Variants in KLHL29 observed in about 807,000 individuals in gnomAD.
KLHL29 encodes the protein kelch-like protein 29.
A neutral mutation model predicts 80.4 loss-of-function variants in KLHL29; 21 were observed. The ratio of observed to expected loss-of-function variants is 0.26; its 90% confidence interval spans 0.19 to 0.38. KLHL29 has a LOEUF of 0.38. Among genes scored for constraint, KLHL29 ranks in the 10% least tolerant of loss-of-function variants. KLHL29 has a pLI of 1.00. For synonymous variants in KLHL29, 511 were observed against 526.8 expected, an observed-to-expected ratio of 0.97 and a Z score of 0.41; for missense variants, 867 against 1,223.9, an observed-to-expected ratio of 0.71 and a Z score of 4.35.
intron 1 of KLHL29, among the ~76,000 whole-genome samples, chr2:23,460,878 G>A (rs1478930643): frequency 6.6e-6 from 1 of 151,720 alleles, no homozygotes; most frequent in African/African-American, 2.4e-5. Flanking sequence ...CATCGTGCAA[G>A]CTCAGGAGCT....
At chr2:23,546,412 T>G (rs1030310503) in intron 2 of KLHL29, among the ~76,000 whole-genome samples, 18 of 152,156 alleles carry the variant, frequency 1.2e-4, no homozygotes, top group African/African-American at 4.3e-4. Context: ...AGAGCTGAGC[T>G]GGAGGAGGAG....
intron 3 of KLHL29, among the ~76,000 whole-genome samples, chr2:23,590,729 T>C (rs1370158511): frequency 1.3e-5 from 2 of 151,904 alleles, no homozygotes; most frequent in Non-Finnish European, 2.9e-5. Flanking sequence ...TGGAACCCAA[T>C]CCCCTACATG....
At chr2:23,584,024 G>C (rs1019403100) in intron 3 of KLHL29, among the ~76,000 whole-genome samples, 6 of 152,194 alleles carry the variant, frequency 3.9e-5, no homozygotes, top group Admixed American at 6.5e-5. Flanking sequence ...GAAGGAACTG[G>C]TTCCAGTGAT....
chr2:23,416,439 A>G (rs913298752), intron 1 of KLHL29, among the ~76,000 whole-genome samples: 1 of 152,162 alleles, frequency 6.6e-6, no homozygotes, highest in Non-Finnish European at 1.5e-5. Flanking sequence ...GGCAAGTGAT[A>G]CACCAAGGTC....
intron 3 of KLHL29, among the ~76,000 whole-genome samples, chr2:23,622,985 C>T (rs1249902363): frequency 6.6e-6 from 1 of 152,182 alleles, no homozygotes; most frequent in Non-Finnish European, 1.5e-5. Flanking sequence ...TACTCCTACC[C>T]ACTCCCCTGA....
At chr2:23,572,940 G>A (rs184865154) in intron 3 of KLHL29, among the ~76,000 whole-genome samples, 62 of 152,230 alleles carry the variant, frequency 4.1e-4, no homozygotes, top group Admixed American at 1.9e-3. Flanking sequence ...CGCCCGCCTC[G>A]GCCTCCCAAA....
chr2:23,548,254 CACACACAGGCACCCAG>C (rs957690453), intron 2 of KLHL29, among the ~76,000 whole-genome samples: 1 of 152,044 alleles, frequency 6.6e-6, no homozygotes, highest in Non-Finnish European at 1.5e-5. Flanking sequence ...ACCCTGTGAA[CACACACAGGCACCCAG>C]ACACACAGGC....
intron 3 of KLHL29, among the ~76,000 whole-genome samples, chr2:23,607,425 G>T (rs1409447060): frequency 1.3e-5 from 2 of 152,238 alleles, no homozygotes; most frequent in African/African-American, 4.8e-5. Context: ...ATGCAGAAAA[G>T]GCTGCCCAGG....
chr2:23,545,404 C>G (rs1666956258), intron 2 of KLHL29, among the ~76,000 whole-genome samples: 2 of 152,206 alleles, frequency 1.3e-5, no homozygotes, highest in Admixed American at 6.5e-5. Flanking sequence ...AAGTGACTTG[C>G]AGAGTAGCAG....
intron 2 of KLHL29, among the ~76,000 whole-genome samples, chr2:23,476,010 C>T (rs1664631200): frequency 6.6e-6 from 1 of 152,224 alleles, no homozygotes; most frequent in African/African-American, 2.4e-5. Flanking sequence ...TCCCAAGTAG[C>T]TGGGACTACA....
intron 3 of KLHL29, among the ~76,000 whole-genome samples, chr2:23,605,588 G>GTA (rs1322620707): frequency 6.6e-6 from 1 of 152,052 alleles, no homozygotes. Flanking sequence ...AGTCGATTTG[G>GTA]TATATTTTCA....
chr2:23,608,230 C>G (rs6707311), intron 3 of KLHL29, among the ~76,000 whole-genome samples: 26,719 of 152,220 alleles, frequency 0.18, 3,055 homozygotes, highest in Admixed American at 0.3. Context: ...AAAACTTTGT[C>G]TGTAAACATG....
chr2:23,657,726 C>T (rs1400965893), intron 5 of KLHL29, among the ~76,000 whole-genome samples: 1 of 152,204 alleles, frequency 6.6e-6, no homozygotes, highest in Admixed American at 6.5e-5. Context: ...CATCTCCTCA[C>T]CCCCTGGGCC....
At chr2:23,639,591 C>T (rs1233887134) in intron 4 of KLHL29, among the ~76,000 whole-genome samples, 2 of 152,200 alleles carry the variant, frequency 1.3e-5, no homozygotes, top group Admixed American at 1.3e-4. Context: ...TGATTCATAA[C>T]AAATTTCTCG....
At chr2:23,608,301 C>G (rs1221059777) in intron 3 of KLHL29, among the ~76,000 whole-genome samples, 1 of 152,200 alleles carries the variant, frequency 6.6e-6, no homozygotes, top group South Asian at 2.1e-4. Context: ...CTAAACATAT[C>G]TATAGCTTAC....
intron 1 of KLHL29, among the ~76,000 whole-genome samples, chr2:23,418,417 C>A (rs113047563): frequency 6.6e-6 from 1 of 152,266 alleles, no homozygotes; most frequent in Non-Finnish European, 1.5e-5. Context: ...CAATTTGTGG[C>A]CTATGTAGGC....
intron 1 of KLHL29, among the ~76,000 whole-genome samples, chr2:23,395,606 G>A (rs918601079): frequency 1.8e-4 from 28 of 152,254 alleles, no homozygotes; most frequent in African/African-American, 5.1e-4. Context: ...TTAGCCAGGC[G>A]TGGTGGCATG....
Position 23,409,979 on chromosome 2 carries a change from T to G in KLHL29, c.-154+24199T>G, listed in dbSNP as rs956142120. On this transcript the variant is annotated intron_variant, in intron 1 of 13. Coordinates refer to ENST00000486442, the MANE Select transcript of KLHL29 (RefSeq NM_052920.2). ...GCATTCCAGGCAGAGGAGATACATG[T>G]GCAGGAGAGAGTATGGTGCCTTCAA... Among the ~76,000 whole-genome samples the G allele has an allele frequency of 2.6e-5, 4 of 152,120 alleles. No individual in the cohort carries two copies. In the South Asian group the frequency reaches 6.2e-4, roughly 24 times the overall value.
At chr2:23,446,207 T>G (rs1386744243) in intron 1 of KLHL29, among the ~76,000 whole-genome samples, 2 of 151,078 alleles carry the variant, frequency 1.3e-5, no homozygotes, top group Non-Finnish European at 3.0e-5. Context: ...ATTTGGAGTT[T>G]TTTTTTTTTT....
Sources: allele counts gnomAD v4.1 joint callset (sites outside exome capture counted in the v4.1 genomes callset), GRCh38; gene constraint gnomAD v4.1.1; transcripts MANE v1.5; gene names NCBI Gene and HGNC (gene_info 2026-07-23, HGNC 2026-07-21).